The following OPCML variants were observed in gnomAD, a reference collection of about 807,000 sequenced individuals.
OPCML encodes opioid binding protein/cell adhesion molecule like, also known as opioid-binding protein/cell adhesion molecule.
OPCML carries 13 observed loss-of-function variants against 37.8 expected under a neutral mutation model. The observed-to-expected ratio is 0.34, with a 90% CI of 0.22 to 0.55. The LOEUF (loss-of-function observed/expected upper bound fraction) is 0.55. Among genes scored for constraint, OPCML ranks in the 20% least tolerant of loss-of-function variants. The pLI is 0.91. For synonymous variants in OPCML, 176 were observed against 168.8 expected, an observed-to-expected ratio of 1.04 and a Z score of -0.33; for missense variants, 341 against 435.6, an observed-to-expected ratio of 0.78 and a Z score of 1.93.
intron 1 of OPCML, among the ~76,000 whole-genome samples, chr11:133,068,280 C>A (rs1208980789): frequency 6.6e-6 from 1 of 152,106 alleles, no homozygotes; most frequent in Non-Finnish European, 1.5e-5. Context: ...TGGGTGTGGC[C>A]ATGGGGAGAT....
chr11:132,683,365 A>C (rs779578900), intron 2 of OPCML, among the ~76,000 whole-genome samples: 18 of 152,072 alleles, frequency 1.2e-4, no homozygotes, highest in Admixed American at 2.0e-4. Context: ...AGAGAGTGAG[A>C]CTCTGTCTCA....
At chr11:133,024,843 G>C (rs1333531284) in intron 1 of OPCML, 1 of 985,286 alleles carries the variant, frequency 1.0e-6, no homozygotes, top group Non-Finnish European at 1.2e-6. Context: ...TGAGGGAAAG[G>C]ACCTGCTTTC....
chr11:132,975,829 GGT>G (rs953508194), intron 1 of OPCML, among the ~76,000 whole-genome samples: 15 of 152,144 alleles, frequency 9.9e-5, no homozygotes, highest in African/African-American at 3.1e-4. Flanking sequence ...GGAGTGCAGT[GGT>G]GTGATCTTGG....
At chr11:132,791,545 T>G (rs116552697) in intron 2 of OPCML, among the ~76,000 whole-genome samples, 3,444 of 152,238 alleles carry the variant, frequency 0.023, 81 homozygotes, top group African/African-American at 0.062. Context: ...ACTGCACACC[T>G]TAAGCCAGTT....
At chr11:132,994,449 C>G (rs1506880) in intron 1 of OPCML, among the ~76,000 whole-genome samples, 59,876 of 152,002 alleles carry the variant, frequency 0.39, 12,318 homozygotes, top group Admixed American at 0.52. Flanking sequence ...GGGGGCTCGC[C>G]GTGCAGGCGC....
chr11:133,220,341 C>T lies in OPCML; in HGVS notation c.62-277331G>A, dbSNP rs561032634. Among the ~76,000 whole-genome samples, 107 of 152,270 alleles carry T rather than the reference C, an allele frequency of 7.0e-4. 1 individual carries two copies. The highest frequency in any genetic ancestry group is 2.4e-3 in the African/African-American group (101 of 41,544). ...GCAGGAGCTGTGCTGCAGGCATTAACCCAAGAAGTCCATTAGGACAAAAAA... is the reference window on the plus strand; with the variant it reads ...GCAGGAGCTGTGCTGCAGGCATTAATCCAAGAAGTCCATTAGGACAAAAAA... On this transcript the variant is annotated intron_variant, in intron 1 of 7. Transcript: ENST00000524381.
intron 1 of OPCML, among the ~76,000 whole-genome samples, chr11:133,179,793 T>C (rs1937735243): frequency 6.6e-6 from 1 of 152,110 alleles, no homozygotes; most frequent in Non-Finnish European, 1.5e-5. Context: ...AAAGAGCATT[T>C]CAAATAGAAG....
intron 2 of OPCML, among the ~76,000 whole-genome samples, chr11:132,907,142 C>A (rs985460081): frequency 6.6e-6 from 1 of 152,146 alleles, no homozygotes; most frequent in East Asian, 1.9e-4. Flanking sequence ...AAATTGTTTT[C>A]TATCTACGTC....
chr11:133,275,277 A>C (rs547138567), intron 1 of OPCML, among the ~76,000 whole-genome samples: 17 of 152,326 alleles, frequency 1.1e-4, no homozygotes, highest in South Asian at 4.1e-4. Flanking sequence ...CGGGGTTTAT[A>C]GATCAGTAAA....
chr11:133,129,161 G>A (rs576450129), intron 1 of OPCML, among the ~76,000 whole-genome samples: 344 of 152,288 alleles, frequency 2.3e-3, no homozygotes, highest in Admixed American at 4.3e-3. Context: ...AGCAGCTGGA[G>A]TTTCCAGAAT....
At chr11:132,667,269 G>A (rs1351450487) in intron 2 of OPCML, among the ~76,000 whole-genome samples, 1 of 152,192 alleles carries the variant, frequency 6.6e-6, no homozygotes, top group East Asian at 1.9e-4. Flanking sequence ...AATACCTATT[G>A]GGTGCTGGGA....
At chr11:133,471,056 A>T (rs1380241597) in intron 1 of OPCML, among the ~76,000 whole-genome samples, 1 of 152,200 alleles carries the variant, frequency 6.6e-6, no homozygotes, top group East Asian at 1.9e-4. Flanking sequence ...ATAAGACATG[A>T]TCCCTGTCCT....
intron 4 of OPCML, among the ~76,000 whole-genome samples, chr11:132,490,040 A>G (rs767691383): frequency 6.6e-6 from 1 of 152,098 alleles, no homozygotes; most frequent in Non-Finnish European, 1.5e-5. Context: ...TTACAGCTGC[A>G]TAGTATTCCA....
At chr11:133,145,746 G>A (rs1949888529) in intron 1 of OPCML, among the ~76,000 whole-genome samples, 1 of 152,196 alleles carries the variant, frequency 6.6e-6, no homozygotes, top group Non-Finnish European at 1.5e-5. Flanking sequence ...AGCTGGTGCT[G>A]TGCCCTCAGC....
intron 7 of OPCML, among the ~76,000 whole-genome samples, chr11:132,433,663 G>A (rs1034924031): frequency 5.3e-5 from 8 of 152,282 alleles, no homozygotes; most frequent in African/African-American, 1.9e-4. Flanking sequence ...GCACCTATAG[G>A]GAAGTAATTA....
intron 1 of OPCML, among the ~76,000 whole-genome samples, chr11:133,302,994 T>C (rs1942817349): frequency 6.6e-6 from 1 of 152,200 alleles, no homozygotes; most frequent in Admixed American, 6.5e-5. Context: ...AGATTTTCCA[T>C]TGACTAACAC....
intron 1 of OPCML, among the ~76,000 whole-genome samples, chr11:133,521,005 C>T (rs997908095): frequency 1.2e-4 from 18 of 152,268 alleles, no homozygotes; most frequent in Admixed American, 3.3e-4. Flanking sequence ...TTGGCATGCA[C>T]TCCACTGCTA....
chr11:132,846,692 T>G (rs373043282), intron 2 of OPCML, among the ~76,000 whole-genome samples: 4 of 152,304 alleles, frequency 2.6e-5, no homozygotes, highest in Admixed American at 1.3e-4. Context: ...AATAAATGAT[T>G]GTTGAGAATT....
At chr11:132,782,739 G>A (rs182228725) in intron 2 of OPCML, among the ~76,000 whole-genome samples, 442 of 151,860 alleles carry the variant, frequency 2.9e-3, no homozygotes, top group African/African-American at 0.01. Context: ...AGGCTGAAGC[G>A]GAGTCATAGA....
Sources: allele counts gnomAD v4.1 joint callset (sites outside exome capture counted in the v4.1 genomes callset), GRCh38; gene constraint gnomAD v4.1.1; transcripts MANE v1.5; gene names NCBI Gene and HGNC (gene_info 2026-07-23, HGNC 2026-07-21).